SPATA7: variants seen among roughly 807,000 people sequenced by gnomAD.
SPATA7 encodes spermatogenesis-associated protein 7.
SPATA7 carries 43 observed loss-of-function variants against 51.8 expected under a neutral mutation model. That is an observed-to-expected ratio of 0.83 (90% CI 0.65 to 1.07). SPATA7 has a LOEUF of 1.07. Ranked by LOEUF, SPATA7 falls within the 50% of genes least tolerant of loss-of-function variation. The pLI is 0.00. For synonymous variants in SPATA7, 230 were observed against 252.8 expected, an observed-to-expected ratio of 0.91 and a Z score of 0.86; for missense variants, 683 against 701.3, an observed-to-expected ratio of 0.97 and a Z score of 0.30.
chr14:88,408,167 G>A (rs1257327723), intron 4 of SPATA7, among the ~76,000 whole-genome samples: 1 of 152,024 alleles, frequency 6.6e-6, no homozygotes, highest in Non-Finnish European at 1.5e-5. Context: ...GTAGTTTGAT[G>A]GGGATAGCAC....
rs73319855 is a variant in SPATA7, at chr14:88,388,577, A to G, written c.19+2740A>G. Among the ~76,000 whole-genome samples the G allele has an allele frequency of 8.8e-3, 1,339 of 152,218 alleles. 9 individuals are homozygous for G. The highest frequency in any genetic ancestry group is 0.031 in the African/African-American group (1,276 of 41,516). On this transcript the variant is annotated intron_variant, in intron 1 of 11. Coordinates refer to ENST00000393545, the MANE Select transcript of SPATA7 (RefSeq NM_018418.5). ...CAAGGAAAAGTTAAAGAATTGTTAT[A>G]CTTTCATAAAAGAGTAACTATAAGA...
chr14:88,410,357 C>CT (rs561014043), intron 4 of SPATA7, among the ~76,000 whole-genome samples: 126 of 151,828 alleles, frequency 8.3e-4, no homozygotes, highest in African/African-American at 2.6e-3. Flanking sequence ...CCTTCTTTGT[C>CT]TTTTTTTTAT....
chr14:88,400,055 T>C (rs1373941314), intron 4 of SPATA7, among the ~76,000 whole-genome samples: 2 of 152,174 alleles, frequency 1.3e-5, no homozygotes, highest in African/African-American at 4.8e-5. Context: ...TGAAACCTTC[T>C]TCAGAATAGA....
intron 1 of SPATA7, 182 bp downstream of exon 1, chr14:88,386,019 G>A: frequency 3.4e-6 from 5 of 1,458,700 alleles, no homozygotes; most frequent in Non-Finnish European, 4.5e-6. Flanking sequence ...GAGCCTGCTT[G>A]CCAGCCTCGC....
intron 5 of SPATA7, among the ~76,000 whole-genome samples, chr14:88,417,316 T>TTAA (rs2076511370): frequency 6.9e-6 from 1 of 143,996 alleles, no homozygotes; most frequent in Admixed American, 6.9e-5. Flanking sequence ...TTTTTTTTTT[T>TTAA]TATATATATA....
At chr14:88,444,795 A>G (rs2077200283) in intron 3 of SPATA7, among the ~76,000 whole-genome samples, 1 of 152,160 alleles carries the variant, frequency 6.6e-6, no homozygotes, top group Non-Finnish European at 1.5e-5. Context: ...AGATAGTTGT[A>G]GATATGCGGC....
chr14:88,439,181 G>A (rs899471825), downstream of SPATA7, among the ~76,000 whole-genome samples: 7 of 152,312 alleles, frequency 4.6e-5, no homozygotes, highest in East Asian at 7.7e-4. Flanking sequence ...GTCTTGAAGC[G>A]TTGGACCTTG....
In SPATA7 at chr14:88,437,603, TCTTTC is replaced by T; in HGVS notation, c.1215+10_1215+14del. ...AAAATAAACATTTGGAGGAGGTTTG[TCTTTC>T]CTTATAACTTCATTAGAAAAATTAT... is the stretch of plus-strand genomic sequence containing the variant. On this transcript the variant is annotated splice_region_variant and intron_variant, in intron 11 of 11. Coordinates refer to ENST00000393545, the MANE Select transcript of SPATA7 (RefSeq NM_018418.5). 1.2e-6 allele frequency: 2 copies of T among 1,602,092 alleles called. No individual in the cohort carries two copies. The highest frequency in any genetic ancestry group is 1.7e-6 in the Non-Finnish European group (2 of 1,170,670).
intron 3 of SPATA7, among the ~76,000 whole-genome samples, chr14:88,454,560 T>C (rs2077271924): frequency 6.6e-6 from 1 of 152,110 alleles, no homozygotes; most frequent in Non-Finnish European, 1.5e-5. Context: ...CCCAGGACTT[T>C]GGGAGGCCAA....
downstream of SPATA7, among the ~76,000 whole-genome samples, chr14:88,439,145 G>A (rs1358970715): frequency 6.6e-6 from 1 of 152,204 alleles, no homozygotes; most frequent in Non-Finnish European, 1.5e-5. Flanking sequence ...TGTAGGCTAT[G>A]GGAAATGGTT....
intron 4 of SPATA7, among the ~76,000 whole-genome samples, chr14:88,406,468 A>G (rs965930222): frequency 2.1e-5 from 3 of 143,362 alleles, no homozygotes; most frequent in Non-Finnish European, 4.6e-5. Flanking sequence ...ATTTTTTGTT[A>G]TTGGGAAAAG....
intron 10 of SPATA7, among the ~76,000 whole-genome samples, chr14:88,434,698 A>G (rs567810242): frequency 6.6e-6 from 1 of 151,832 alleles, no homozygotes; most frequent in South Asian, 2.1e-4. Flanking sequence ...AAAAAAAAAA[A>G]AAAAGAAAAA....
At chr14:88,397,655 AAAAG>A (rs535894885) in intron 4 of SPATA7, among the ~76,000 whole-genome samples, 265 of 152,070 alleles carry the variant, frequency 1.7e-3, no homozygotes, top group Admixed American at 2.7e-3. Context: ...AAAAAAAAAA[AAAAG>A]GAAAAAGAAA....
At chr14:88,445,711 G>T (rs1327958734) in intron 3 of SPATA7, among the ~76,000 whole-genome samples, 1 of 152,162 alleles carries the variant, frequency 6.6e-6, no homozygotes, top group Admixed American at 6.5e-5. Context: ...GTTGAATTTT[G>T]TCAAAGGCCT....
chr14:88,438,523 C>T, downstream of SPATA7: 4 of 973,730 alleles, frequency 4.1e-6, no homozygotes, highest in Admixed American at 4.0e-5. Flanking sequence ...TTCTGTGCTG[C>T]AATAATAAGT....
chr14:88,447,804 A>T (rs953491537), intron 3 of SPATA7, among the ~76,000 whole-genome samples: 1 of 152,102 alleles, frequency 6.6e-6, no homozygotes, highest in African/African-American at 2.4e-5. Flanking sequence ...AGAATGTCGA[A>T]TATTGGCCCC....
intron 4 of SPATA7, chr14:88,467,887 G>A (rs1187343098): frequency 1.7e-5 from 9 of 528,322 alleles, no homozygotes; most frequent in Admixed American, 7.1e-5. Context: ...ACTGCAAACC[G>A]GACAGACCGG....
At position 88,437,559 on chromosome 14, in the gene SPATA7, T is replaced by G; in HGVS notation, c.1177T>G (p.Phe393Val). The change falls in exon 11 of 12, where the codon TTC becomes GTC. Residue 393 changes from phenylalanine (F) to valine (V), a missense_variant. Phe to Val is a conservative substitution (Grantham distance 50, BLOSUM62 -1). Transcript: ENST00000393545. Reference protein sequence around the residue: ...LFSNRFLERLFERHIKQNKHL... With the variant: ...LFSNRFLERLVERHIKQNKHL... Reference sequence around the variant, plus strand: ...CATTTGTAGGTTTTTAGAACGACTGTTCGAGCGACATATAAAACAAAATAA... The same window carrying G: ...CATTTGTAGGTTTTTAGAACGACTGGTCGAGCGACATATAAAACAAAATAA... 3 of 1,611,174 alleles carry G rather than the reference T, an allele frequency of 1.9e-6. No individual in the cohort carries two copies. Among genetic ancestry groups the G allele is most frequent in the Non-Finnish European group, 1.7e-6 (2 of 1,178,176 alleles).
At chr14:88,462,177 A>G (rs1365685959) in intron 4 of SPATA7, among the ~76,000 whole-genome samples, 1 of 152,256 alleles carries the variant, frequency 6.6e-6, no homozygotes, top group African/African-American at 2.4e-5. Flanking sequence ...GATTTCTAAT[A>G]AACTTCCAGG....
Sources: gnomAD v4.1 joint callset for allele counts (sites outside exome capture counted in the v4.1 genomes callset) on GRCh38, gnomAD v4.1.1 for gene constraint, MANE v1.5 for transcripts, NCBI Gene and HGNC (gene_info 2026-07-23, HGNC 2026-07-21) for gene names.